ADCY2: variants seen among roughly 807,000 people sequenced by gnomAD.
The protein encoded by ADCY2 is adenylate cyclase 2.
A neutral mutation model predicts 125.2 loss-of-function variants in ADCY2; 31 were observed. That is an observed-to-expected ratio of 0.25 (90% CI 0.19 to 0.33). ADCY2 has a LOEUF of 0.33. Among genes scored for constraint, ADCY2 ranks in the 10% least tolerant of loss-of-function variants. The probability of loss-of-function intolerance (pLI) is 1.00; values close to 1 mark genes in which losing one functional copy is unlikely to be tolerated. For synonymous variants in ADCY2, 512 were observed against 548.4 expected (o/e 0.93, Z 0.93); for missense variants, 904 against 1,418.2 (o/e 0.64, Z 5.82).
intron 12 of ADCY2, among the ~76,000 whole-genome samples, chr5:7,720,400 A>G (rs1741720695): frequency 6.6e-6 from 1 of 152,168 alleles, no homozygotes; most frequent in Admixed American, 6.5e-5. Flanking sequence ...AGCAAGTCAC[A>G]TTTTTTTATT....
chr5:7,700,698 C>A (rs1219687060), intron 7 of ADCY2, among the ~76,000 whole-genome samples: 1 of 28,764 alleles, frequency 3.5e-5, no homozygotes, highest in South Asian at 3.9e-3. Context: ...AATGCCCCCA[C>A]CCCCCACCCC....
At chr5:7,501,123 C>CTTTTTT (rs138836583) in intron 2 of ADCY2, among the ~76,000 whole-genome samples, 1 of 97,584 alleles carries the variant, frequency 1.0e-5, no homozygotes, top group Non-Finnish European at 2.3e-5. Flanking sequence ...TAAATAAAAG[C>CTTTTTT]TTTTTTTTAA....
chr5:7,523,475 A>G (rs1344985668), intron 3 of ADCY2, among the ~76,000 whole-genome samples: 3 of 152,242 alleles, frequency 2.0e-5, no homozygotes, highest in Non-Finnish European at 4.4e-5. Context: ...ATAGTATTTT[A>G]TAAAGGAACA....
chr5:7,468,457 A>G (rs1024321614), intron 2 of ADCY2, among the ~76,000 whole-genome samples: 1 of 152,100 alleles, frequency 6.6e-6, no homozygotes, highest in Admixed American at 6.5e-5. Context: ...TGAGAGCTAA[A>G]TGATAGATCA....
At chr5:7,646,713 C>T (rs1457641381) in intron 4 of ADCY2, among the ~76,000 whole-genome samples, 1 of 152,184 alleles carries the variant, frequency 6.6e-6, no homozygotes, top group Non-Finnish European at 1.5e-5. Context: ...TACAGCTCAG[C>T]ATTGTTGGTA....
At chr5:7,408,140 G>GATT (rs1739573535) in intron 1 of ADCY2, among the ~76,000 whole-genome samples, 1 of 151,856 alleles carries the variant, frequency 6.6e-6, no homozygotes, top group Non-Finnish European at 1.5e-5. Flanking sequence ...AAATGGGTGG[G>GATT]ATTATAGGCA....
chr5:7,784,751 C>A (rs1212415380), intron 19 of ADCY2, among the ~76,000 whole-genome samples: 1 of 151,494 alleles, frequency 6.6e-6, no homozygotes, highest in African/African-American at 2.4e-5. Context: ...CAAAAGTGTT[C>A]CTTCAATAAC....
chr5:7,529,508 G>C (rs1734575049), intron 3 of ADCY2, among the ~76,000 whole-genome samples: 1 of 152,182 alleles, frequency 6.6e-6, no homozygotes, highest in Non-Finnish European at 1.5e-5. Flanking sequence ...CTCTGGGCTA[G>C]TTATTTTTGA....
intron 4 of ADCY2, among the ~76,000 whole-genome samples, chr5:7,639,405 A>G (rs1738618219): frequency 6.6e-6 from 1 of 152,164 alleles, no homozygotes; most frequent in South Asian, 2.1e-4. Context: ...GGCTTAGGAC[A>G]CCTGTTGCTG....
chr5:7,745,311 C>T (rs11949947), intron 15 of ADCY2, among the ~76,000 whole-genome samples: 6,714 of 152,262 alleles, frequency 0.044, 495 homozygotes, highest in African/African-American at 0.15. Flanking sequence ...ACTTTGTCCT[C>T]TGTGCCTTAT....
At chr5:7,646,317 A>T (rs979068074) in intron 4 of ADCY2, among the ~76,000 whole-genome samples, 104 of 150,398 alleles carry the variant, frequency 6.9e-4, no homozygotes, top group Non-Finnish European at 2.4e-4. Context: ...CTTATTATTT[A>T]TATATATAAA....
intron 3 of ADCY2, among the ~76,000 whole-genome samples, chr5:7,567,581 A>C (rs1376841046): frequency 6.6e-6 from 1 of 152,092 alleles, no homozygotes; most frequent in Non-Finnish European, 1.5e-5. Context: ...TTCAGCCATG[A>C]AGTAATGGAC....
intron 15 of ADCY2, among the ~76,000 whole-genome samples, chr5:7,754,719 A>G (rs1742932603): frequency 2.6e-4 from 1 of 3,918 alleles, no homozygotes; most frequent in Non-Finnish European, 6.4e-4. Flanking sequence ...GCAAAAAACA[A>G]AACAAACAAA....
At chr5:7,806,163 C>T (rs551186760) in intron 22 of ADCY2, among the ~76,000 whole-genome samples, 2 of 152,000 alleles carry the variant, frequency 1.3e-5, no homozygotes, top group Admixed American at 6.6e-5. Flanking sequence ...AATGTAAAAT[C>T]GAGATATTAA....
At chr5:7,700,451 T>C (rs1249108061) in intron 7 of ADCY2, among the ~76,000 whole-genome samples, 1 of 151,990 alleles carries the variant, frequency 6.6e-6, no homozygotes, top group East Asian at 1.9e-4. Context: ...TTGTACTTCA[T>C]TGGGTTTTTG....
At chr5:7,531,478 T>G (rs1199415856) in intron 3 of ADCY2, among the ~76,000 whole-genome samples, 1 of 152,156 alleles carries the variant, frequency 6.6e-6, no homozygotes, top group Non-Finnish European at 1.5e-5. Context: ...CTTGGATGCT[T>G]GAAACAACAG....
chr5:7,406,989 T>A (rs923397474), intron 1 of ADCY2, among the ~76,000 whole-genome samples: 4 of 152,204 alleles, frequency 2.6e-5, no homozygotes, highest in Non-Finnish European at 1.5e-5. Context: ...TTTGTTCAGT[T>A]GAAATAATTT....
chr5:7,502,544 C>T, intron 2 of ADCY2, among the ~76,000 whole-genome samples: 1 of 152,176 alleles, frequency 6.6e-6, no homozygotes, highest in African/African-American at 2.4e-5. Flanking sequence ...GATCTCTTGG[C>T]CCTGATGGCC....
chr5:7,617,087 G>A (rs978174312), intron 3 of ADCY2, among the ~76,000 whole-genome samples: 9 of 152,144 alleles, frequency 5.9e-5, no homozygotes, highest in Non-Finnish European at 1.3e-4. Context: ...GATTAACACC[G>A]TTATAAAAGG....
Sources: allele counts gnomAD v4.1 joint callset (sites outside exome capture counted in the v4.1 genomes callset), GRCh38; gene constraint gnomAD v4.1.1; transcripts MANE v1.5; gene names NCBI Gene and HGNC (gene_info 2026-07-23, HGNC 2026-07-21).